The following NINJ1 variants were observed in gnomAD, a reference collection of about 807,000 sequenced individuals.
The protein encoded by NINJ1 is ninjurin-1.
Under a neutral mutation model 12.7 loss-of-function variants are expected in NINJ1, and 6 were observed. The observed-to-expected ratio is 0.47, with a 90% CI of 0.26 to 0.93. NINJ1 has a LOEUF of 0.93. NINJ1 is among the 40% of genes least tolerant of loss of function. The pLI is 0.15. For synonymous variants in NINJ1, 100 were observed against 96.0 expected, an observed-to-expected ratio of 1.04 and a Z score of -0.25; for missense variants, 170 against 213.0, an observed-to-expected ratio of 0.80 and a Z score of 1.26.
In NINJ1 at chr9:93,134,186, T is replaced by G; in HGVS notation, c.32A>C (p.Asn11Thr). The G allele has an allele frequency of 1.3e-6, 2 of 1,547,098 alleles. No individual in the cohort carries two copies. Among genetic ancestry groups the G allele is most frequent in the Non-Finnish European group, 1.7e-6 (2 of 1,145,806 alleles). Residue 11 changes from asparagine (N) to threonine (T), a missense_variant, in exon 1 of 4, where the codon AAC (asparagine) becomes ACC (threonine). Physicochemically the swap from Asn to Thr is moderately conservative, Grantham distance 65. Transcript: ENST00000375446. MDSGTEEYELNGGLPPGTPGS... is the reference protein window; with the variant it reads MDSGTEEYELTGGLPPGTPGS... ...GGGTGTGCCCGGAGGCAGGCCGCCG[T>G]TGAGCTCGTACTCCTCGGTTCCCGA...
intron 1 of NINJ1, among the ~76,000 whole-genome samples, chr9:93,128,329 C>CA (rs1485968560): frequency 6.6e-6 from 1 of 152,240 alleles, no homozygotes; most frequent in Non-Finnish European, 1.5e-5. Flanking sequence ...CCAGGGCACT[C>CA]ACCAAGTGAG....
chr9:93,128,361 C>A (rs932682341), intron 1 of NINJ1, among the ~76,000 whole-genome samples: 3 of 152,242 alleles, frequency 2.0e-5, no homozygotes, highest in African/African-American at 7.2e-5. Context: ...CTCTCCCATT[C>A]TACAGACCAG....
intron 1 of NINJ1, among the ~76,000 whole-genome samples, 165 bp from the exon 2 acceptor site, chr9:93,126,803 G>A (rs1011909795): frequency 6.6e-6 from 1 of 152,116 alleles, no homozygotes; most frequent in Non-Finnish European, 1.5e-5. Context: ...GAGAGGCTGC[G>A]AGCATGTGCT....
At position 93,129,979 on chromosome 9, in the gene NINJ1, C is replaced by T. The variant is rs1452667839; in HGVS notation, c.76-3341G>A. Among the ~76,000 whole-genome samples the T allele has an allele frequency of 2.0e-4, 30 of 152,144 alleles. 1 individual carries two copies. The highest frequency in any genetic ancestry group is 2.0e-3 in the Admixed American group (30 of 15,284). On this transcript the variant is annotated intron_variant, in intron 1 of 3. Coordinates refer to ENST00000375446, the MANE Select transcript of NINJ1 (RefSeq NM_004148.4). Reference sequence around the variant, plus strand: ...ATCTTGGGATGGGCCTGAGGGTGGCCGGGGGACCCAGCTACCACAGGTGAG... The same window carrying T: ...ATCTTGGGATGGGCCTGAGGGTGGCTGGGGGACCCAGCTACCACAGGTGAG...
chr9:93,124,787 T>C (rs1277795270), intron 3 of NINJ1, 112 bp downstream of exon 3: 3 of 1,177,058 alleles, frequency 2.5e-6, no homozygotes, highest in Non-Finnish European at 2.3e-6. Flanking sequence ...AGGATGCCCA[T>C]GGCCTAGGAA....
rs774017855 is a variant in NINJ1 at position 93,126,198 on chromosome 9, AAAAAC to A, written c.304+207_304+211del. 44 of 561,586 alleles carry A rather than the reference AAAAAC, an allele frequency of 7.8e-5. No homozygotes were observed. The Middle Eastern group carries it at 1.4e-3, about 17-fold the overall frequency. The allele number at this position is 561,586 out of a possible 1,614,324, so 34.8% of individuals were successfully genotyped here. On this transcript the variant is annotated intron_variant, in intron 2 of 3. Transcript: ENST00000375446. ...GGTGACAGAGGGGGACCTTGTTTCAAAAAACAAAACAAAACAAAACAAAAACCAAA... is the reference window on the plus strand; with the variant it reads ...GGTGACAGAGGGGGACCTTGTTTCAAAAAACAAAACAAAACAAAAACCAAA...
At chr9:93,123,481 T>G (rs2130745762) in intron 3 of NINJ1, among the ~76,000 whole-genome samples, 1 of 152,310 alleles carries the variant, frequency 6.6e-6, no homozygotes, top group East Asian at 1.9e-4. Flanking sequence ...ACACGGTATC[T>G]CCATGTTGGT....
chr9:93,134,086 G>C, intron 1 of NINJ1, 57 bp downstream of exon 1: 1 of 1,362,502 alleles, frequency 7.3e-7, no homozygotes, highest in Non-Finnish European at 9.9e-7. Context: ...GGGAGCCGCG[G>C]CGCCCCGAAA....
chr9:93,132,584 C>G (rs1380189372), intron 1 of NINJ1, among the ~76,000 whole-genome samples: 1 of 152,258 alleles, frequency 6.6e-6, no homozygotes, highest in African/African-American at 2.4e-5. Context: ...CCCCGCCCCC[C>G]ACGATGGGCT....
chr9:93,123,247 C>T (rs1827759265), intron 3 of NINJ1, among the ~76,000 whole-genome samples: 1 of 151,998 alleles, frequency 6.6e-6, no homozygotes, highest in African/African-American at 2.4e-5. Context: ...AGCTGCTGGC[C>T]CCAGCGCCCC....
intron 1 of NINJ1, among the ~76,000 whole-genome samples, chr9:93,128,272 T>C (rs1182385372): frequency 1.3e-5 from 2 of 152,200 alleles, no homozygotes; most frequent in Non-Finnish European, 2.9e-5. Flanking sequence ...TCTCCCACCC[T>C]GGGCCTGACG....
chr9:93,133,784 G>A (rs1003948338), intron 1 of NINJ1, among the ~76,000 whole-genome samples: 1 of 152,148 alleles, frequency 6.6e-6, no homozygotes, highest in Admixed American at 6.5e-5. Context: ...AAGTTAGAGA[G>A]GCCCGCGCGA....
intron 2 of NINJ1, chr9:93,126,141 G>A (rs1827806140): frequency 6.1e-6 from 3 of 490,444 alleles, no homozygotes; most frequent in Admixed American, 3.9e-5. Context: ...AGCTTGCAGT[G>A]AGCCGAGACT....
chr9:93,122,484 G>C (rs1827750033), intron 3 of NINJ1, among the ~76,000 whole-genome samples: 1 of 151,654 alleles, frequency 6.6e-6, no homozygotes, highest in African/African-American at 2.4e-5. Flanking sequence ...TGGAAGGAGG[G>C]AGAGGAGAGG....
chr9:93,123,970 C>T (rs995284356), intron 3 of NINJ1, among the ~76,000 whole-genome samples: 2 of 152,236 alleles, frequency 1.3e-5, no homozygotes, highest in Non-Finnish European at 2.9e-5. Flanking sequence ...CTGGGTGCCT[C>T]GTCCTGTAGA....
Position 93,124,985 on chromosome 9 carries a change from T to G in NINJ1, c.382A>C (p.Ile128Leu). The G allele has an allele frequency of 6.2e-7, 1 of 1,614,104 alleles. No individual in the cohort carries two copies. The highest frequency in any genetic ancestry group is 1.3e-5 in the African/African-American group (1 of 75,068). Residue 128 changes from isoleucine to leucine, a missense_variant, in exon 3 of 4, where the codon ATC (isoleucine) becomes CTC (leucine). Transcript: ENST00000375446. ...ATGAAGATGTTGACTACCACGATGA[T>G]GAACACCAGGCCCGTGGCCAGGTTG... ...LNNLATGLVF[I>L]IVVVNIFITA...
At chr9:93,127,476 A>G (rs143278367) in intron 1 of NINJ1, among the ~76,000 whole-genome samples, 3 of 152,178 alleles carry the variant, frequency 2.0e-5, no homozygotes, top group African/African-American at 7.2e-5. Context: ...CACAGAGGCC[A>G]CTGCTTCCAG....
intron 1 of NINJ1, 109 bp from the exon 2 acceptor site, chr9:93,126,747 C>T (rs1827818037): frequency 1.3e-6 from 1 of 772,382 alleles, no homozygotes; most frequent in African/African-American, 1.7e-5. Context: ...CTTCCCTTGC[C>T]CCCACCCCTG....
chr9:93,133,448 A>G (rs1362411033), intron 1 of NINJ1, among the ~76,000 whole-genome samples: 1 of 152,250 alleles, frequency 6.6e-6, no homozygotes, highest in Non-Finnish European at 1.5e-5. Context: ...GTAAGTGCTG[A>G]GTCCTGGGAT....
Sources: gnomAD v4.1 joint callset for allele counts (sites outside exome capture counted in the v4.1 genomes callset) on GRCh38, gnomAD v4.1.1 for gene constraint, MANE v1.5 for transcripts, NCBI Gene and HGNC (gene_info 2026-07-23, HGNC 2026-07-21) for gene names.